AP4E1: variants seen among roughly 807,000 people sequenced by gnomAD.
AP4E1 encodes the protein AP-4 complex subunit epsilon-1.
Under a neutral mutation model 128.2 loss-of-function variants are expected in AP4E1, and 56 were observed. That is an observed-to-expected ratio of 0.44 (90% CI 0.35 to 0.55). The LOEUF (loss-of-function observed/expected upper bound fraction) is 0.55, where lower values mean the gene tolerates loss of function less well. Ranked by LOEUF, AP4E1 falls within the 20% of genes least tolerant of loss-of-function variation. AP4E1 has a pLI of 0.00. For synonymous variants in AP4E1, 484 were observed against 473.1 expected (o/e 1.02, Z -0.30); for missense variants, 1,324 against 1,307.7 (o/e 1.01, Z -0.19).
At chr15:50,986,424 G>C (rs997217283) in intron 16 of AP4E1, among the ~76,000 whole-genome samples, 5 of 152,288 alleles carry the variant, frequency 3.3e-5, no homozygotes, top group South Asian at 2.1e-4. Flanking sequence ...TGCCCATTCA[G>C]TATGATATTG....
chr15:50,916,659 C>G (rs564227687), intron 3 of AP4E1, among the ~76,000 whole-genome samples: 160 of 152,298 alleles, frequency 1.1e-3, no homozygotes, highest in Non-Finnish European at 1.2e-3. Flanking sequence ...TGAGTGCACA[C>G]AATATTCCAC....
intron 14 of AP4E1, among the ~76,000 whole-genome samples, chr15:50,961,484 T>C (rs889694277): frequency 2.0e-5 from 3 of 151,856 alleles, no homozygotes; most frequent in Admixed American, 6.6e-5. Flanking sequence ...TACTTCACAT[T>C]AACGGAATAA....
At chr15:50,938,930 T>C (rs2063946699) in intron 8 of AP4E1, among the ~76,000 whole-genome samples, 1 of 152,214 alleles carries the variant, frequency 6.6e-6, no homozygotes, top group Admixed American at 6.5e-5. Flanking sequence ...TAGATACTTA[T>C]TTAACTTAAT....
In AP4E1 at chr15:50,908,829, G is replaced by T; in HGVS notation, c.51G>T (p.Leu17=). The T allele has an allele frequency of 1.2e-6, 2 of 1,607,250 alleles. No homozygotes were observed. The highest frequency in any genetic ancestry group is 4.5e-5 in the East Asian group (2 of 44,650). ...TGACGGCGCTGCCGGGACTCTTTCT[G>T]CAGAACCAGCCCGGTGGTGGGCCCG... ...KTLTALPGLF[L]QNQPGGGPAA... is the part of the protein sequence containing the mutation. The change falls in exon 1 of 21, where the codon CTG becomes CTT. Residue 17 remains leucine (L), a synonymous_variant. Coordinates refer to ENST00000261842, the MANE Select transcript of AP4E1 (RefSeq NM_007347.5).
In AP4E1 at chr15:50,958,637, C is replaced by T. The variant is rs142762839; in HGVS notation, c.1694C>T (p.Ala565Val). 349 of 1,614,132 alleles carry T rather than the reference C, an allele frequency of 2.2e-4. 1 individual carries two copies. Among genetic ancestry groups the T allele is most frequent in the East Asian group, 8.2e-4 (37 of 44,868 alleles). Reference sequence around the variant, plus strand: ...GCTGTGACCAAATTGACATCTCAGGCGCACTCTTCTAATACAGTTGAGAGA... The same window carrying T: ...GCTGTGACCAAATTGACATCTCAGGTGCACTCTTCTAATACAGTTGAGAGA... Reference protein sequence around the residue: ...IAAVTKLTSQAHSSNTVERLI... With the variant: ...IAAVTKLTSQVHSSNTVERLI... Residue 565 changes from alanine to valine, a missense_variant, in exon 14 of 21, where the codon GCG becomes GTG. By Grantham distance (64) the Ala-to-Val change is moderately conservative. Transcript: ENST00000261842.
chr15:50,981,011 T>G, intron 15 of AP4E1, among the ~76,000 whole-genome samples: 1 of 152,070 alleles, frequency 6.6e-6, no homozygotes, highest in East Asian at 1.9e-4. Context: ...ACTAGGGCAA[T>G]GCTGAGCAGA....
chr15:50,923,988 T>A lies in AP4E1; in HGVS notation c.404T>A (p.Val135Glu). ...HESHELLLLLVNTVVKDLQST... is the reference protein window; with the variant it reads ...HESHELLLLLENTVVKDLQST... ...AGTCATGAATTATTGCTTCTCCTTG[T>A]GAATACAGTTGTAAAGGTATTGTAT... is the stretch of plus-strand genomic sequence containing the variant. The change falls in exon 4 of 21, where the codon GTG becomes GAG. Residue 135 changes from valine (V) to glutamate (E), a missense_variant. Physicochemically the swap from Val to Glu is moderately radical, Grantham distance 121. Coordinates refer to ENST00000261842, the MANE Select transcript of AP4E1 (RefSeq NM_007347.5). The A allele has an allele frequency of 6.2e-7, 1 of 1,609,044 alleles. No homozygotes were observed. The highest frequency in any genetic ancestry group is 8.5e-7 in the Non-Finnish European group (1 of 1,175,726).
At chr15:50,941,331 A>G (rs192088712) in intron 8 of AP4E1, 111 bp from the exon 9 acceptor site, 17 of 1,248,730 alleles carry the variant, frequency 1.4e-5, no homozygotes, top group Non-Finnish European at 1.9e-5. Flanking sequence ...CATAAATAAG[A>G]TTTCTGACTA....
intron 14 of AP4E1, 84 bp from the exon 15 acceptor site, chr15:50,968,179 A>G (rs1000237158): frequency 2.1e-6 from 2 of 932,420 alleles, no homozygotes; most frequent in African/African-American, 3.4e-5. Context: ...AAAAATATAT[A>G]TGGGCTGAAA....
At chr15:50,912,218 A>G in intron 2 of AP4E1, 69 bp downstream of exon 2, 1 of 1,316,482 alleles carries the variant, frequency 7.6e-7, no homozygotes, top group Non-Finnish European at 1.1e-6. Flanking sequence ...CAATAGTGGC[A>G]TCTAACTGAT....
chr15:50,933,359 C>A (rs746711334), intron 7 of AP4E1, among the ~76,000 whole-genome samples: 6 of 152,064 alleles, frequency 3.9e-5, no homozygotes, highest in Non-Finnish European at 7.4e-5. Context: ...ATTGAAAAAA[C>A]CAATTTACTG....
chr15:50,912,637 C>G (rs1282952423), intron 2 of AP4E1, among the ~76,000 whole-genome samples: 2 of 150,220 alleles, frequency 1.3e-5, no homozygotes, highest in Non-Finnish European at 3.0e-5. Flanking sequence ...CCCAGCATAG[C>G]TAGATTAAAA....
intron 15 of AP4E1, among the ~76,000 whole-genome samples, chr15:50,977,031 C>G (rs1315605827): frequency 1.3e-5 from 2 of 152,066 alleles, no homozygotes; most frequent in Non-Finnish European, 1.5e-5. Context: ...AATCAGTTTC[C>G]TCTCATTAAC....
chr15:50,925,511 G>A (rs950725243), intron 5 of AP4E1, among the ~76,000 whole-genome samples: 22 of 152,156 alleles, frequency 1.4e-4, no homozygotes, highest in Admixed American at 1.3e-3. Context: ...TTGGCTATAT[G>A]GGGTTGGTTG....
intron 13 of AP4E1, among the ~76,000 whole-genome samples, chr15:50,952,509 CAAAAAA>C (rs1359239142): frequency 5.0e-5 from 4 of 79,482 alleles, no homozygotes; most frequent in Admixed American, 1.4e-4. Context: ...GACTCCATCT[CAAAAAA>C]AAAAAAAAAA....
chr15:51,002,271 T>A (rs1305378768), intron 20 of AP4E1, among the ~76,000 whole-genome samples: 1 of 152,212 alleles, frequency 6.6e-6, no homozygotes, highest in Non-Finnish European at 1.5e-5. Context: ...GGTTCCAGTT[T>A]CTCCACGTCT....
rs1334118349 is a variant in AP4E1 at position 50,990,369 on chromosome 15, T to TTATTATTATTATTA, written c.2091-2994_2091-2993insATTATTATATTATT. On this transcript the variant is annotated intron_variant, in intron 16 of 20. Coordinates refer to ENST00000261842, the MANE Select transcript of AP4E1 (RefSeq NM_007347.5). Reference sequence around the variant, plus strand: ...TTTATTATTATTATTATTATTATTATTATTATTTGAGACAAGTCTCATTCT... The same window carrying TTATTATTATTATTA: ...TTTATTATTATTATTATTATTATTATTATTATTATTATTATATTATTTGAGACAAGTCTCATTCT... Among the ~76,000 whole-genome samples, 4 of 148,160 alleles carry TTATTATTATTATTA rather than the reference T, an allele frequency of 2.7e-5. No homozygotes were observed. The East Asian group carries it at 7.8e-4, about 29-fold the overall frequency.
chr15:50,914,699 C>G (rs2063607713), intron 2 of AP4E1, among the ~76,000 whole-genome samples: 1 of 143,466 alleles, frequency 7.0e-6, no homozygotes, highest in Admixed American at 7.0e-5. Context: ...TATTTTGAAA[C>G]ACATTTTATT....
chr15:50,990,911 T>C (rs770068429), intron 16 of AP4E1, among the ~76,000 whole-genome samples: 7 of 151,908 alleles, frequency 4.6e-5, no homozygotes, highest in Non-Finnish European at 1.0e-4. Context: ...TAATTAGGAG[T>C]GTCGTTGGGA....
Sources: gnomAD v4.1 joint callset for allele counts (sites outside exome capture counted in the v4.1 genomes callset) on GRCh38, gnomAD v4.1.1 for gene constraint, MANE v1.5 for transcripts, NCBI Gene and HGNC (gene_info 2026-07-23, HGNC 2026-07-21) for gene names.